The following UBE3C variants were observed in gnomAD, a reference collection of about 807,000 sequenced individuals.
UBE3C encodes ubiquitin protein ligase E3C, also known as ubiquitin-protein ligase E3C.
UBE3C carries 42 observed loss-of-function variants against 129.4 expected under a neutral mutation model. The observed-to-expected ratio is 0.32, with a 90% CI of 0.25 to 0.42. The LOEUF is 0.42. UBE3C is among the 10% of genes least tolerant of loss of function. UBE3C has a pLI of 1.00. For synonymous variants in UBE3C, 510 were observed against 492.4 expected, an observed-to-expected ratio of 1.04 and a Z score of -0.47; for missense variants, 1,049 against 1,319.1, an observed-to-expected ratio of 0.80 and a Z score of 3.17.
chr7:157,224,812 T>TCC (rs1795834118), intron 16 of UBE3C, among the ~76,000 whole-genome samples: 1 of 151,020 alleles, frequency 6.6e-6, no homozygotes, highest in South Asian at 2.1e-4. Flanking sequence ...TCTCTCTCTC[T>TCC]CCCACTCACT....
chr7:157,201,918 C>A, intron 11 of UBE3C, 111 bp downstream of exon 11: 1 of 838,672 alleles, frequency 1.2e-6, no homozygotes, highest in Non-Finnish European at 1.9e-6. Context: ...GGGCTTATTT[C>A]ATATTAGAAG....
intron 19 of UBE3C, among the ~76,000 whole-genome samples, chr7:157,251,767 T>G (rs896523112): frequency 6.6e-6 from 1 of 152,214 alleles, no homozygotes; most frequent in Non-Finnish European, 1.5e-5. Flanking sequence ...TGTGACATGA[T>G]TTTTAAGTAC....
Position 157,190,362 on chromosome 7 carries a change from C to G in UBE3C, c.1331+3341C>G, listed in dbSNP as rs568118070. ...TTTTGGTGAACAGGCCCGTCATCTA[C>G]TTGGTTGTCTGTACCTGCAGCCTGA... is the stretch of plus-strand genomic sequence containing the variant. On this transcript the variant is annotated intron_variant, in intron 10 of 22. Coordinates refer to ENST00000348165, the MANE Select transcript of UBE3C (RefSeq NM_014671.3). 1.7e-4 allele frequency among the ~76,000 whole-genome samples: 26 copies of G among 152,192 alleles called. No homozygotes were observed. The South Asian group carries it at 3.7e-3, about 22-fold the overall frequency.
chr7:157,141,898 C>G (rs375822965), intron 1 of UBE3C, among the ~76,000 whole-genome samples: 26 of 152,310 alleles, frequency 1.7e-4, no homozygotes, highest in African/African-American at 6.3e-4. Flanking sequence ...TCTTACAGAC[C>G]TTTGCTGTGT....
chr7:157,205,434 CAGTACA>C (rs1282922364), intron 11 of UBE3C, among the ~76,000 whole-genome samples: 14 of 151,644 alleles, frequency 9.2e-5, no homozygotes, highest in Non-Finnish European at 1.8e-4. Context: ...TCAGGGATAA[CAGTACA>C]AGTACAAGGA....
chr7:157,261,544 T>A (rs543946052), intron 22 of UBE3C, among the ~76,000 whole-genome samples: 2 of 152,280 alleles, frequency 1.3e-5, no homozygotes, highest in African/African-American at 4.8e-5. Context: ...GACATCCAGT[T>A]TGGAAAAATC....
intron 22 of UBE3C, among the ~76,000 whole-genome samples, chr7:157,264,219 G>A (rs925362407): frequency 2.7e-5 from 4 of 149,252 alleles, no homozygotes; most frequent in Admixed American, 6.7e-5. Flanking sequence ...ACAGGGGTGC[G>A]CCAACATGCT....
intron 18 of UBE3C, among the ~76,000 whole-genome samples, chr7:157,244,583 A>T (rs73743324): frequency 0.011 from 1,667 of 152,294 alleles, 33 homozygotes; most frequent in African/African-American, 0.038. Flanking sequence ...GATGCATTTG[A>T]AAAGCATTAT....
chr7:157,175,742 C>T (rs1175045729), intron 5 of UBE3C, among the ~76,000 whole-genome samples: 1 of 152,052 alleles, frequency 6.6e-6, no homozygotes, highest in Non-Finnish European at 1.5e-5. Context: ...AATAAAGAAC[C>T]TATTAGAAGA....
chr7:157,186,012 T>G (rs1188682993), intron 9 of UBE3C, among the ~76,000 whole-genome samples: 2 of 152,162 alleles, frequency 1.3e-5, no homozygotes, highest in Admixed American at 1.3e-4. Context: ...AGTATATATC[T>G]TTGGTTACTG....
In UBE3C at chr7:157,167,036, TC is replaced by T. The variant is rs1369364817; in HGVS notation, c.121-2011del. 2.0e-5 allele frequency among the ~76,000 whole-genome samples: 3 copies of T among 152,078 alleles called. No individual in the cohort carries two copies. The East Asian group carries it at 5.8e-4, about 30-fold the overall frequency. On this transcript the variant is annotated intron_variant, in intron 2 of 22. Transcript: ENST00000348165. Reference sequence around the variant, plus strand: ...CCTCCACCTCCTGGCTTCAAGTGATTCTCCTGCCTCAGCCTCCCAAGTAGCT... The same window carrying T: ...CCTCCACCTCCTGGCTTCAAGTGATTTCCTGCCTCAGCCTCCCAAGTAGCT...
intron 22 of UBE3C, among the ~76,000 whole-genome samples, chr7:157,258,640 A>G (rs1045138325): frequency 3.3e-5 from 5 of 151,968 alleles, no homozygotes; most frequent in Non-Finnish European, 7.4e-5. Context: ...TTGTATTTTT[A>G]GTAGAGACGG....
At chr7:157,224,701 T>C (rs1017096131) in intron 16 of UBE3C, among the ~76,000 whole-genome samples, 4 of 152,160 alleles carry the variant, frequency 2.6e-5, no homozygotes, top group African/African-American at 9.7e-5. Context: ...CTATACACTC[T>C]ATTTGCATGG....
intron 19 of UBE3C, among the ~76,000 whole-genome samples, chr7:157,250,009 G>T (rs1167664194): frequency 6.6e-6 from 1 of 152,078 alleles, no homozygotes; most frequent in Admixed American, 6.6e-5. Flanking sequence ...TCCAAAATTT[G>T]GGGGGAAAAA....
intron 10 of UBE3C, among the ~76,000 whole-genome samples, chr7:157,201,319 G>C (rs996251642): frequency 6.6e-6 from 1 of 151,736 alleles, no homozygotes; most frequent in Non-Finnish European, 1.5e-5. Flanking sequence ...GCAAGACCCT[G>C]TCTCAAAAAA....
chr7:157,208,057 T>A, intron 13 of UBE3C, 122 bp downstream of exon 13: 1 of 74,292 alleles, frequency 1.3e-5, no homozygotes, highest in Non-Finnish European at 2.0e-5. Context: ...TTGCAAGACT[T>A]TTTTTTTTTT....
At position 157,192,697 on chromosome 7, in the gene UBE3C, AC is replaced by A. The variant is rs551690298; in HGVS notation, c.1331+5677del. 4.5e-4 allele frequency: 351 copies of A among 788,750 alleles called. 1 individual carries two copies. In the East Asian group the frequency reaches 7.5e-3, roughly 17 times the overall value. 48.9% of individuals were successfully genotyped at this position (788,750 alleles called of 1,614,324 possible). A position where few individuals can be genotyped will look rare whatever the true frequency, so the allele number is the denominator to read the frequency against. On this transcript the variant is annotated intron_variant, in intron 10 of 22. Coordinates refer to ENST00000348165, the MANE Select transcript of UBE3C (RefSeq NM_014671.3). ...AAGTATTAGAAGGTGGATGAGAATG[AC>A]AAAATGAGCTGCCTTCGTCGAGAGT...
intron 1 of UBE3C, among the ~76,000 whole-genome samples, chr7:157,142,950 C>G (rs1490478937): frequency 6.6e-6 from 1 of 151,972 alleles, no homozygotes; most frequent in Non-Finnish European, 1.5e-5. Flanking sequence ...CACCACAAAC[C>G]TCCACCTCCC....
intron 21 of UBE3C, among the ~76,000 whole-genome samples, chr7:157,256,492 C>T (rs960863500): frequency 2.2e-4 from 32 of 147,016 alleles, no homozygotes; most frequent in South Asian, 2.3e-4. Context: ...CTTTGCCCAT[C>T]GCCTCCACAT....
Sources: gnomAD v4.1 joint callset for allele counts (sites outside exome capture counted in the v4.1 genomes callset) on GRCh38, gnomAD v4.1.1 for gene constraint, MANE v1.5 for transcripts, NCBI Gene and HGNC (gene_info 2026-07-23, HGNC 2026-07-21) for gene names.